RBX1: variants seen among roughly 807,000 people sequenced by gnomAD.
RBX1 encodes the protein ring-box 1.
For missense variants in RBX1, 46 were observed against 141.4 expected, an observed-to-expected ratio of 0.33 and a Z score of 3.42; for synonymous variants, 48 against 47.9, an observed-to-expected ratio of 1.00 and a Z score of -0.01.
intron 2 of RBX1, among the ~76,000 whole-genome samples, chr22:40,963,539 GAC>G (rs2146301350): frequency 6.6e-6 from 1 of 152,278 alleles, no homozygotes; most frequent in South Asian, 2.1e-4. Flanking sequence ...GGGAGTCTGA[GAC>G]ACGAGAATCG....
chr22:40,965,085 A>G (rs766412818), intron 3 of RBX1, among the ~76,000 whole-genome samples: 30 of 152,176 alleles, frequency 2.0e-4, no homozygotes, highest in Non-Finnish European at 3.7e-4. Context: ...CGGGTGCATC[A>G]TGAGGTCAGC....
chr22:40,951,911 T>C (rs973398212), intron 1 of RBX1, among the ~76,000 whole-genome samples: 1 of 152,128 alleles, frequency 6.6e-6, no homozygotes, highest in Non-Finnish European at 1.5e-5. Flanking sequence ...TAGAGGCCTC[T>C]GAGGACCCCC....
chr22:40,963,568 G>A (rs552064662), intron 2 of RBX1, among the ~76,000 whole-genome samples: 9 of 152,262 alleles, frequency 5.9e-5, no homozygotes, highest in African/African-American at 1.4e-4. Context: ...CTCGGGGGGC[G>A]GAGGTTGCAG....
chr22:40,969,840 G>C (rs1377029561), intron 4 of RBX1, among the ~76,000 whole-genome samples: 2 of 151,308 alleles, frequency 1.3e-5, no homozygotes, highest in Non-Finnish European at 2.9e-5. Context: ...AGTGAGCAGA[G>C]ATCGTGCCAC....
At chr22:40,967,925 C>G in intron 4 of RBX1, 41 bp downstream of exon 4, 1 of 1,401,742 alleles carries the variant, frequency 7.1e-7, no homozygotes, top group Non-Finnish European at 1.0e-6. Context: ...TTTTGACTTG[C>G]CTCAGGCTGA....
At chr22:40,952,513 G>T (rs1428384418) in intron 1 of RBX1, among the ~76,000 whole-genome samples, 1 of 152,202 alleles carries the variant, frequency 6.6e-6, no homozygotes, top group East Asian at 1.9e-4. Flanking sequence ...CCACCTTGAA[G>T]CTGTGATGTG....
In RBX1 at chr22:40,951,493, G is replaced by A. The variant is rs755004827; in HGVS notation, c.78+17G>A. The A allele has an allele frequency of 6.2e-6, 10 of 1,610,462 alleles. No homozygotes were observed. The South Asian group carries it at 8.8e-5, about 14-fold the overall frequency. On this transcript the variant is annotated intron_variant, in intron 1 of 4. Transcript: ENST00000216225. ...GTGAAAAAGGTTGGGTCTCGCCAGCGCCTTCCTCAGGGAAGCTAGAGAGGC... is the reference window on the plus strand; with the variant it reads ...GTGAAAAAGGTTGGGTCTCGCCAGCACCTTCCTCAGGGAAGCTAGAGAGGC...
At chr22:40,951,965 T>C (rs1193562897) in intron 1 of RBX1, among the ~76,000 whole-genome samples, 1 of 152,004 alleles carries the variant, frequency 6.6e-6, no homozygotes, top group Non-Finnish European at 1.5e-5. Flanking sequence ...TGGGGTCCTC[T>C]CACTTGGAGG....
In RBX1 at chr22:40,960,112, T is replaced by TA. The variant is rs935881626; in HGVS notation, c.158-3925dup. ...GCCTGGGCAACAGAGCGAGACTGTC[T>TA]AAAAAAAAAAGAATGAATCTGTATT... is the stretch of plus-strand genomic sequence containing the variant. On this transcript the variant is annotated intron_variant, in intron 2 of 4. Coordinates refer to ENST00000216225, the MANE Select transcript of RBX1 (RefSeq NM_014248.4). 7.4e-5 allele frequency among the ~76,000 whole-genome samples: 11 copies of TA among 148,358 alleles called. No homozygotes were observed. The South Asian group carries it at 1.7e-3, about 23-fold the overall frequency.
At chr22:40,960,901 G>A (rs1487835944) in intron 2 of RBX1, among the ~76,000 whole-genome samples, 1 of 151,914 alleles carries the variant, frequency 6.6e-6, no homozygotes, top group African/African-American at 2.4e-5. Flanking sequence ...TGGGATTATA[G>A]GCATGCGCCA....
At position 40,964,066 on chromosome 22, in the gene RBX1, C is replaced by T. The variant is rs200272391; in HGVS notation, c.177C>T (p.Asn59=). The T allele has an allele frequency of 9.9e-6, 16 of 1,614,082 alleles. No homozygotes were observed. Among genetic ancestry groups the T allele is most frequent in the Non-Finnish European group, 1.4e-5 (16 of 1,179,944 alleles). ...CCACAGGCATAGAATGTCAAGCTAA[C>T]CAGGCGTCCGCTACTTCAGAAGAGT... The part of the protein sequence containing the change: ...IMDLCIECQA[N]QASATSEECT... The change falls in exon 3 of 5, where the codon AAC becomes AAT. Residue 59 remains asparagine (N), a synonymous_variant. Coordinates refer to ENST00000216225, the MANE Select transcript of RBX1 (RefSeq NM_014248.4).
chr22:40,951,977 GTCCTCTCACTTGGAGGGA>G (rs1220279515), intron 1 of RBX1, among the ~76,000 whole-genome samples: 1 of 152,044 alleles, frequency 6.6e-6, no homozygotes, highest in Non-Finnish European at 1.5e-5. Flanking sequence ...ACTTGGAGGG[GTCCTCTCACTTGGAGGGA>G]TCCTCGCTGA....
intron 2 of RBX1, among the ~76,000 whole-genome samples, chr22:40,962,072 C>G (rs2058342034): frequency 6.6e-6 from 1 of 151,412 alleles, no homozygotes; most frequent in South Asian, 2.1e-4. Flanking sequence ...GCGTGAGCCA[C>G]TACTCCCAGC....
In RBX1 at chr22:40,970,286, C is replaced by T. The variant is rs144017399; in HGVS notation, c.315-2190C>T. Among the ~76,000 whole-genome samples the T allele has an allele frequency of 7.1e-3, 1,071 of 151,254 alleles. 12 individuals carry two copies. The highest frequency in any genetic ancestry group is 0.025 in the African/African-American group (1,021 of 41,156). ...AGAATCATCTCTTGAACCCGGGAGCCCAGAGGTTTCAGTGAGCTGAGATCA... is the reference window on the plus strand; with the variant it reads ...AGAATCATCTCTTGAACCCGGGAGCTCAGAGGTTTCAGTGAGCTGAGATCA... On this transcript the variant is annotated intron_variant, in intron 4 of 4. Transcript: ENST00000216225.
Position 40,953,460 on chromosome 22 carries a change from A to G in RBX1, c.79-95A>G, listed in dbSNP as rs1425728662. 1.8e-5 allele frequency: 15 copies of G among 830,902 alleles called. No homozygotes were observed. The Admixed American group carries it at 2.9e-4, about 16-fold the overall frequency. The allele number at this position is 830,902 out of a possible 1,614,324, so 51.5% of individuals were successfully genotyped here. ...TTTTGTTTGGTGGTTCCCTGTGGCC[A>G]AAGAGATGATAACTGCAGCTGCAGC... On this transcript the variant is annotated intron_variant, in intron 1 of 4. Transcript: ENST00000216225.
intron 2 of RBX1, among the ~76,000 whole-genome samples, chr22:40,958,593 T>G (rs1008534514): frequency 4.6e-5 from 7 of 152,148 alleles, no homozygotes; most frequent in Non-Finnish European, 8.8e-5. Context: ...TTTATTTTAT[T>G]TTACACTGTC....
At chr22:40,961,110 C>CT (rs1358620606) in intron 2 of RBX1, among the ~76,000 whole-genome samples, 1 of 74,514 alleles carries the variant, frequency 1.3e-5, no homozygotes, top group Non-Finnish European at 2.5e-5. Flanking sequence ...TTTTTGATAA[C>CT]AAGGTTTTGC....
At chr22:40,951,530 T>A (rs1321469815) in intron 1 of RBX1, 54 bp downstream of exon 1, 58 of 1,559,578 alleles carry the variant, frequency 3.7e-5, no homozygotes, top group Non-Finnish European at 4.9e-5. Flanking sequence ...CGGATCTGGC[T>A]GGCAGGCCCG....
chr22:40,961,375 G>C (rs935538784), intron 2 of RBX1, among the ~76,000 whole-genome samples: 1 of 151,794 alleles, frequency 6.6e-6, no homozygotes, highest in Admixed American at 6.6e-5. Context: ...GTGAGCGACT[G>C]TGCCTGACCC....
Sources: gnomAD v4.1 joint callset for allele counts (sites outside exome capture counted in the v4.1 genomes callset) on GRCh38, gnomAD v4.1.1 for gene constraint, MANE v1.5 for transcripts, NCBI Gene and HGNC (gene_info 2026-07-23, HGNC 2026-07-21) for gene names.